Variants in PACRG observed in about 807,000 individuals in gnomAD.
The protein encoded by PACRG is parkin coregulated.
In PACRG, 29 loss-of-function variants were observed where a neutral mutation model predicts 29.7. That is an observed-to-expected ratio of 0.98 (90% CI 0.73 to 1.33). The LOEUF is 1.33. Among genes scored for constraint, PACRG ranks in the 40% most tolerant of loss-of-function variants. PACRG has a pLI of 0.00. For missense variants in PACRG, 279 were observed against 316.2 expected, an observed-to-expected ratio of 0.88 and a Z score of 0.89; for synonymous variants, 116 against 118.7, an observed-to-expected ratio of 0.98 and a Z score of 0.15.
chr6:163,250,630 A>T (rs534803317), intron 4 of PACRG, among the ~76,000 whole-genome samples: 2 of 152,284 alleles, frequency 1.3e-5, no homozygotes, highest in Admixed American at 1.3e-4. Context: ...CTAGAAGTAG[A>T]ACTACCATTT....
intron 4 of PACRG, among the ~76,000 whole-genome samples, chr6:163,175,710 T>C (rs2128349831): frequency 6.8e-6 from 1 of 146,614 alleles, no homozygotes; most frequent in Admixed American, 6.8e-5. Context: ...CATCAAGGAG[T>C]GTGAGTCCAG....
intron 2 of PACRG, among the ~76,000 whole-genome samples, chr6:162,964,895 A>G (rs775442379): frequency 2.0e-5 from 3 of 152,204 alleles, no homozygotes; most frequent in Non-Finnish European, 2.9e-5. Context: ...CCTCTGGGAA[A>G]TTCTCCAAGA....
At chr6:162,830,159 C>T (rs1353534202) in intron 2 of PACRG, among the ~76,000 whole-genome samples, 1 of 152,138 alleles carries the variant, frequency 6.6e-6, no homozygotes, top group Non-Finnish European at 1.5e-5. Flanking sequence ...TATTTACCAA[C>T]CTCAAGTGTA....
chr6:163,140,965 C>G (rs111457990), intron 4 of PACRG, among the ~76,000 whole-genome samples: 12 of 152,212 alleles, frequency 7.9e-5, no homozygotes, highest in African/African-American at 2.9e-4. Flanking sequence ...AGCTGCTCTT[C>G]GAATTGGAAG....
intron 1 of PACRG, among the ~76,000 whole-genome samples, chr6:162,771,034 C>A (rs1248940576): frequency 2.0e-5 from 3 of 151,876 alleles, no homozygotes; most frequent in Non-Finnish European, 4.4e-5. Context: ...CCTGTTATAA[C>A]TCAAAATAAA....
At chr6:162,847,092 G>GCCA (rs1790467756) in intron 2 of PACRG, among the ~76,000 whole-genome samples, 4 of 132,634 alleles carry the variant, frequency 3.0e-5, no homozygotes, top group Non-Finnish European at 6.9e-5. Flanking sequence ...ACTGCCCACT[G>GCCA]TGCTCCCCAC....
Position 162,982,425 on chromosome 6 carries a change from G to A in PACRG, c.292-79725G>A, listed in dbSNP as rs568565666. The stretch of plus-strand genomic sequence containing the variant: ...CTATTTGTGCTCTTTTAGACTTTGC[G>A]ACGTAGGCATTTCATGCTATGAATT... On this transcript the variant is annotated intron_variant, in intron 2 of 4. Transcript: ENST00000366888. Among the ~76,000 whole-genome samples, 14 of 151,778 alleles carry A rather than the reference G, an allele frequency of 9.2e-5. No individual in the cohort carries two copies. In the South Asian group the frequency reaches 1.9e-3, roughly 20 times the overall value.
chr6:163,121,675 T>G (rs1816278711), intron 4 of PACRG, among the ~76,000 whole-genome samples: 1 of 150,112 alleles, frequency 6.7e-6, no homozygotes, highest in Non-Finnish European at 1.5e-5. Context: ...TTTTTTTTTT[T>G]TTTTTTTTGA....
intron 4 of PACRG, among the ~76,000 whole-genome samples, chr6:163,249,405 T>C (rs576234475): frequency 6.6e-6 from 1 of 152,366 alleles, no homozygotes; most frequent in South Asian, 2.1e-4. Flanking sequence ...TTGTTACATT[T>C]ATTTGATTTG....
intron 2 of PACRG, among the ~76,000 whole-genome samples, chr6:162,820,993 G>A (rs1413839102): frequency 2.0e-5 from 3 of 151,978 alleles, no homozygotes; most frequent in African/African-American, 7.3e-5. Context: ...GGCAATGAGT[G>A]TACTATTCTT....
At chr6:163,093,310 T>C (rs1223856084) in intron 4 of PACRG, among the ~76,000 whole-genome samples, 1 of 152,244 alleles carries the variant, frequency 6.6e-6, no homozygotes, top group East Asian at 1.9e-4. Context: ...ATGCTGTCTT[T>C]CCAGTGACTG....
intron 1 of PACRG, among the ~76,000 whole-genome samples, chr6:162,788,005 T>G (rs928621111): frequency 6.6e-6 from 1 of 152,106 alleles, no homozygotes; most frequent in African/African-American, 2.4e-5. Flanking sequence ...TTGTTACAAC[T>G]GATGAACCTG....
intron 1 of PACRG, among the ~76,000 whole-genome samples, chr6:162,731,554 G>C (rs1350171434): frequency 6.6e-6 from 1 of 152,064 alleles, no homozygotes; most frequent in African/African-American, 2.4e-5. Context: ...TTATATCAGG[G>C]ACTTGAGCAT....
Position 162,785,144 on chromosome 6 carries a change from CAAAG to C in PACRG, c.157-28997_157-28994del, listed in dbSNP as rs1455054137. Among the ~76,000 whole-genome samples the C allele has an allele frequency of 5.0e-5, 7 of 138,794 alleles. No homozygotes were observed. The East Asian group carries it at 1.1e-3, about 21-fold the overall frequency. 91.1% of individuals were successfully genotyped at this position (138,794 alleles called of 152,430 possible). The stretch of plus-strand genomic sequence containing the variant: ...TTTAGGGTAGGCACAATTACATTGA[CAAAG>C]AAAGAGAGAATGAGGGAGGCAGAGA... On this transcript the variant is annotated intron_variant, in intron 1 of 4. Transcript: ENST00000366888.
At chr6:162,915,666 A>G (rs1264461518) in intron 2 of PACRG, among the ~76,000 whole-genome samples, 1 of 151,926 alleles carries the variant, frequency 6.6e-6, no homozygotes, top group African/African-American at 2.4e-5. Flanking sequence ...TTGCATGTGA[A>G]TGTATCTCTT....
At chr6:162,869,838 T>G (rs1792648038) in intron 2 of PACRG, among the ~76,000 whole-genome samples, 1 of 152,214 alleles carries the variant, frequency 6.6e-6, no homozygotes, top group Non-Finnish European at 1.5e-5. Flanking sequence ...CATTGTAATC[T>G]GCAAGTAATT....
chr6:162,973,577 C>CT (rs769390863), intron 2 of PACRG, among the ~76,000 whole-genome samples: 5 of 152,126 alleles, frequency 3.3e-5, no homozygotes, highest in Non-Finnish European at 5.9e-5. Flanking sequence ...TCTAAGTCTT[C>CT]TTTTTTGAGA....
chr6:162,992,870 G>A (rs1803581204), intron 2 of PACRG, among the ~76,000 whole-genome samples: 1 of 149,726 alleles, frequency 6.7e-6, no homozygotes, highest in African/African-American at 2.5e-5. Context: ...TTTCTCTTGT[G>A]GGCATTCAGT....
intron 4 of PACRG, among the ~76,000 whole-genome samples, chr6:163,161,967 G>C (rs552639554): frequency 2.0e-5 from 3 of 152,320 alleles, no homozygotes; most frequent in Non-Finnish European, 4.4e-5. Context: ...TAGATCTTTT[G>C]AGTGGAACAG....
Sources: allele counts gnomAD v4.1 joint callset (sites outside exome capture counted in the v4.1 genomes callset), GRCh38; gene constraint gnomAD v4.1.1; transcripts MANE v1.5; gene names NCBI Gene and HGNC (gene_info 2026-07-23, HGNC 2026-07-21).